The following ARMC2 variants were observed in gnomAD, a reference collection of about 807,000 sequenced individuals.
The protein encoded by ARMC2 is armadillo repeat-containing protein 2.
ARMC2 carries 67 observed loss-of-function variants against 90.3 expected under a neutral mutation model. That is an observed-to-expected ratio of 0.74 (90% CI 0.61 to 0.91). The LOEUF (loss-of-function observed/expected upper bound fraction) is 0.91, where lower values mean the gene tolerates loss of function less well. Among genes scored for constraint, ARMC2 ranks in the 40% least tolerant of loss-of-function variants. The pLI is 0.00. For missense variants in ARMC2, 920 were observed against 1,030.9 expected (o/e 0.89, Z 1.47); for synonymous variants, 393 against 393.0 (o/e 1.00, Z 0.00).
chr6:108,991,383 T>C, the ARMC2 span, among the ~76,000 whole-genome samples: 3 of 152,138 alleles, frequency 2.0e-5, no homozygotes, highest in South Asian at 2.1e-4. Context: ...ACTGGAACTA[T>C]AGGCACAGGC....
intron 11 of ARMC2, among the ~76,000 whole-genome samples, chr6:108,933,632 C>T (rs1015859811): frequency 1.3e-5 from 2 of 152,156 alleles, no homozygotes; most frequent in African/African-American, 4.8e-5. Flanking sequence ...TTGACTTCCT[C>T]CCTTTCTGTT....
intron 12 of ARMC2, among the ~76,000 whole-genome samples, chr6:108,939,515 G>T (rs1033794511): frequency 6.6e-6 from 1 of 152,116 alleles, no homozygotes; most frequent in Non-Finnish European, 1.5e-5. Context: ...TGTAAGATGT[G>T]CCTGTTTCTC....
chr6:109,043,336 G>T, the ARMC2 span, among the ~76,000 whole-genome samples: 2 of 152,024 alleles, frequency 1.3e-5, no homozygotes, highest in Non-Finnish European at 2.9e-5. Context: ...GGAAGTTCTA[G>T]TCAGGGCAAT....
chr6:108,880,764 C>T (rs1045152224), intron 5 of ARMC2, among the ~76,000 whole-genome samples: 13 of 72,482 alleles, frequency 1.8e-4, no homozygotes, highest in African/African-American at 4.8e-4. Context: ...TCCCCCTTTC[C>T]GTTCCCTTCC....
rs1164953820 is a variant in ARMC2 at position 108,910,952 on chromosome 6, T to C, written c.1077T>C (p.Ile359=). 22 of 1,585,690 alleles carry C rather than the reference T, an allele frequency of 1.4e-5. No homozygotes were observed. The highest frequency in any genetic ancestry group is 1.9e-5 in the Non-Finnish European group (22 of 1,165,866). Residue 359 remains isoleucine, a synonymous_variant, in exon 9 of 18, where the codon ATT becomes ATC. Transcript: ENST00000392644. The part of the protein sequence containing the change: ...LLNVCKLIFK[I]SRNEKNDSLI... ...ATGTCTGCAAACTTATATTTAAAATTAGCAGGAATGAGAAGAATGATTCTT... is the reference window on the plus strand; with the variant it reads ...ATGTCTGCAAACTTATATTTAAAATCAGCAGGAATGAGAAGAATGATTCTT...
the ARMC2 span, among the ~76,000 whole-genome samples, chr6:108,999,736 G>A: frequency 6.6e-6 from 1 of 152,048 alleles, no homozygotes; most frequent in Non-Finnish European, 1.5e-5. Context: ...GGTAAACGTA[G>A]GCTTACCGTA....
At chr6:108,991,943 T>C in the ARMC2 span, among the ~76,000 whole-genome samples, 299 of 152,324 alleles carry the variant, frequency 2.0e-3, 1 homozygote, top group Non-Finnish European at 3.5e-3. Context: ...AATTATTGTC[T>C]AGTCTCCTCT....
the ARMC2 span, among the ~76,000 whole-genome samples, chr6:109,017,913 T>G: frequency 6.6e-6 from 1 of 152,214 alleles, no homozygotes; most frequent in Non-Finnish European, 1.5e-5. Context: ...ATGCCTGTAA[T>G]CTCAGCACTT....
chr6:108,890,257 A>G (rs908626986), intron 5 of ARMC2, among the ~76,000 whole-genome samples: 2 of 145,174 alleles, frequency 1.4e-5, no homozygotes, highest in Admixed American at 1.4e-4. Flanking sequence ...CTCAGAGTAG[A>G]TTTTAAACTT....
Position 108,854,250 on chromosome 6 carries a change from T to A in ARMC2, c.-18T>A. On this transcript the variant is annotated 5_prime_UTR_variant, in exon 2 of 18. Coordinates refer to ENST00000392644, the MANE Select transcript of ARMC2 (RefSeq NM_032131.6). The stretch of plus-strand genomic sequence containing the variant: ...GGTGTGGTGTCTATCTGAAGAATAT[T>A]TTACTTTCAAAGGAAAGATGCTGTC... 1 of 1,569,650 alleles carries A rather than the reference T, an allele frequency of 6.4e-7. No individual in the cohort carries two copies. Among genetic ancestry groups the A allele is most frequent in the Non-Finnish European group, 8.7e-7 (1 of 1,154,106 alleles).
chr6:108,874,183 A>C (rs1289672017), intron 4 of ARMC2, among the ~76,000 whole-genome samples: 1 of 152,198 alleles, frequency 6.6e-6, no homozygotes, highest in Non-Finnish European at 1.5e-5. Context: ...AATGAGAGTG[A>C]GCCCCCCAGG....
At chr6:109,041,535 AAGC>A in the ARMC2 span, among the ~76,000 whole-genome samples, 443 of 152,254 alleles carry the variant, frequency 2.9e-3, 2 homozygotes, top group Non-Finnish European at 5.1e-3. Flanking sequence ...TTTTTTGAAA[AAGC>A]AGGAATTTTT....
At position 108,973,377 on chromosome 6, in the gene ARMC2, G is replaced by A; in HGVS notation, c.2467G>A (p.Gly823Ser). 6.2e-7 allele frequency: 1 copy of A among 1,613,182 alleles called. No individual in the cohort carries two copies. Among genetic ancestry groups the A allele is most frequent in the South Asian group, 1.1e-5 (1 of 91,008 alleles). Residue 823 changes from glycine (G) to serine (S), a missense_variant, in exon 18 of 18, where the codon GGC becomes AGC. Physicochemically the swap from Gly to Ser is moderately conservative, Grantham distance 56 (BLOSUM62 0). Coordinates refer to ENST00000392644, the MANE Select transcript of ARMC2 (RefSeq NM_032131.6). ...TACAGATGAAGAACTAGCACTGGATGGCAGTTTTGATCCAGACCTAAAAAA... is the reference window on the plus strand; with the variant it reads ...TACAGATGAAGAACTAGCACTGGATAGCAGTTTTGATCCAGACCTAAAAAA... Reference protein sequence around the residue: ...SFLDEELALDGSFDPDLKNYH... With the variant: ...SFLDEELALDSSFDPDLKNYH...
chr6:109,000,645 A>T, the ARMC2 span: 1 of 1,608,612 alleles, frequency 6.2e-7, no homozygotes, highest in Non-Finnish European at 8.5e-7. Context: ...CAGGTTCACT[A>T]AGTAGGAGCA....
intron 11 of ARMC2, among the ~76,000 whole-genome samples, chr6:108,932,103 A>G (rs369560075): frequency 2.6e-5 from 4 of 151,920 alleles, no homozygotes; most frequent in Admixed American, 6.5e-5. Context: ...TTCTCTTGTA[A>G]ATTTGTTTAA....
intron 12 of ARMC2, among the ~76,000 whole-genome samples, chr6:108,947,424 T>C (rs994019877): frequency 6.6e-6 from 1 of 152,160 alleles, no homozygotes; most frequent in Non-Finnish European, 1.5e-5. Flanking sequence ...CATCTCTAAA[T>C]AGGGGTAAAA....
intron 3 of ARMC2, among the ~76,000 whole-genome samples, chr6:108,858,630 C>T (rs1296695615): frequency 6.7e-6 from 1 of 150,180 alleles, no homozygotes; most frequent in Non-Finnish European, 1.5e-5. Flanking sequence ...AGTTATATAT[C>T]TTATACATAT....
the ARMC2 span, among the ~76,000 whole-genome samples, chr6:109,000,990 A>G: frequency 6.6e-6 from 1 of 152,202 alleles, no homozygotes; most frequent in Non-Finnish European, 1.5e-5. Flanking sequence ...AATATTATTT[A>G]CATCTTGAAC....
rs554236774 is a variant in ARMC2, at chr6:108,937,309, G to T, written c.1596+310G>T. 1.1e-4 allele frequency among the ~76,000 whole-genome samples: 16 copies of T among 152,076 alleles called. 1 individual carries two copies. In the South Asian group the frequency reaches 3.3e-3, roughly 32 times the overall value. On this transcript the variant is annotated intron_variant, in intron 12 of 17. Coordinates refer to ENST00000392644, the MANE Select transcript of ARMC2 (RefSeq NM_032131.6). ...TGGGAGTCACCTTGGGGTGGGGGAGGGGGTATAACCCCACCCCAAGGGTTA... is the reference window on the plus strand; with the variant it reads ...TGGGAGTCACCTTGGGGTGGGGGAGTGGGTATAACCCCACCCCAAGGGTTA...
Sources: allele counts gnomAD v4.1 joint callset (sites outside exome capture counted in the v4.1 genomes callset), GRCh38; gene constraint gnomAD v4.1.1; transcripts MANE v1.5; gene names NCBI Gene and HGNC (gene_info 2026-07-23, HGNC 2026-07-21).